The following NCOR2 variants were observed in gnomAD, a reference collection of about 807,000 sequenced individuals.
NCOR2 encodes CTG repeat protein 26.
In NCOR2, 81 loss-of-function variants were observed where a neutral mutation model predicts 262.9. The ratio of observed to expected loss-of-function variants is 0.31; its 90% CI spans 0.26 to 0.37. The LOEUF (loss-of-function observed/expected upper bound fraction) is 0.37, where lower values mean the gene tolerates loss of function less well. Ranked by LOEUF, NCOR2 falls within the 10% of genes least tolerant of loss-of-function variation. The pLI, the probability that NCOR2 is intolerant of heterozygous loss-of-function variation, is 1.00. For missense variants in NCOR2, 3,385 were observed against 3,621.4 expected, an observed-to-expected ratio of 0.93 and a Z score of 1.68; for synonymous variants, 1,659 against 1,559.3, an observed-to-expected ratio of 1.06 and a Z score of -1.51.
At chr12:124,479,559 GCA>G (rs748968222) in intron 3 of NCOR2, among the ~76,000 whole-genome samples, 3 of 151,736 alleles carry the variant, frequency 2.0e-5, no homozygotes, top group Non-Finnish European at 2.9e-5. Flanking sequence ...ACACAAACGC[GCA>G]CACACACGCA....
upstream of NCOR2, among the ~76,000 whole-genome samples, chr12:124,497,350 G>A (rs12318414): frequency 0.012 from 1,766 of 152,256 alleles, 45 homozygotes; most frequent in African/African-American, 0.04. The surrounding 1 kb of genome is among the most constrained non-coding windows in gnomAD (Gnocchi z 4.2). Context: ...AACACGTCCC[G>A]CTCCACCATC....
intron 3 of NCOR2, among the ~76,000 whole-genome samples, chr12:124,477,966 A>T (rs1026771008): frequency 1.3e-5 from 2 of 152,238 alleles, no homozygotes; most frequent in African/African-American, 4.8e-5. Context: ...TCCAGGAAAA[A>T]GCAGGGCCCA....
intron 12 of NCOR2, 151 bp downstream of exon 14, chr12:124,422,350 G>T (rs1004946055): frequency 8.2e-6 from 7 of 848,752 alleles, no homozygotes; most frequent in Admixed American, 4.3e-5. Context: ...ATGGAAGGAA[G>T]GGAGGGAGGG....
At chr12:124,431,719 TAC>T (rs1407651495) in intron 8 of NCOR2, among the ~76,000 whole-genome samples, 2 of 143,962 alleles carry the variant, frequency 1.4e-5, no homozygotes, top group Non-Finnish European at 3.0e-5. Context: ...CACAGTCACA[TAC>T]ACACATGCAG....
At chr12:124,461,732 C>T (rs1313043719) in intron 5 of NCOR2, among the ~76,000 whole-genome samples, 5 of 152,242 alleles carry the variant, frequency 3.3e-5, no homozygotes, top group Admixed American at 1.3e-4. Flanking sequence ...CACAGCCTAA[C>T]GTGTACCCAT....
At chr12:124,556,992 C>A (rs535897041) in intron 1 of NCOR2, among the ~76,000 whole-genome samples, 1 of 152,350 alleles carries the variant, frequency 6.6e-6, no homozygotes, top group African/African-American at 2.4e-5. Flanking sequence ...ACAGCGAGGC[C>A]GGTGTGGCTG....
At chr12:124,477,218 C>T (rs2047149617) in intron 3 of NCOR2, among the ~76,000 whole-genome samples, 2 of 152,214 alleles carry the variant, frequency 1.3e-5, no homozygotes, top group South Asian at 2.1e-4. Flanking sequence ...ATCATGGTGG[C>T]GGTTTCCCCC....
chr12:124,495,456 C>T, upstream of NCOR2: 1 of 1,054,764 alleles, frequency 9.5e-7, no homozygotes, highest in Non-Finnish European at 1.3e-6. This position sits in a 1 kb window ranked among gnomAD's most constrained non-coding sequence, Gnocchi z 4.4. Flanking sequence ...TCCTGTGGTC[C>T]CGTGAGGACA....
chr12:124,424,200 A>G (rs889425305), intron 11 of NCOR2, among the ~76,000 whole-genome samples: 4 of 151,506 alleles, frequency 2.6e-5, no homozygotes, highest in African/African-American at 7.3e-5. Context: ...CTCCCAGAAC[A>G]CCTTTTTTTT....
chr12:124,455,015 C>G (rs1565958448), intron 6 of NCOR2, among the ~76,000 whole-genome samples: 1 of 152,124 alleles, frequency 6.6e-6, no homozygotes, highest in Middle Eastern at 3.2e-3. Flanking sequence ...GGATGAACCT[C>G]GAAAACATGA....
exon 44 of NCOR2, chr12:124,330,883 C>A: frequency 6.3e-7 from 1 of 1,582,852 alleles, no homozygotes; most frequent in African/African-American, 1.3e-5. Flanking sequence ...GATCTCCGTC[C>A]CAGGCTGGCT....
At position 124,483,521 on chromosome 12, in the gene NCOR2, C is replaced by T; in HGVS notation, c.411+75G>A. 1.4e-6 allele frequency: 2 copies of T among 1,423,064 alleles called. No homozygotes were observed. The highest frequency in any genetic ancestry group is 9.3e-7 in the Non-Finnish European group (1 of 1,077,412). 88.2% of individuals were successfully genotyped at this position (1,423,064 alleles called of 1,614,324 possible). On this transcript the variant is annotated intron_variant, in intron 3 of 46. Coordinates refer to ENST00000405201, the Ensembl canonical transcript of NCOR2. The surrounding 1 kb of genome is among the most constrained non-coding windows in gnomAD (Gnocchi z 6.3). Reference sequence around the variant, plus strand: ...TGCCCCCTCCCTGCACCCCTACCCACCACCTCCCACCCAGCCCAACCAGCA... The same window carrying T: ...TGCCCCCTCCCTGCACCCCTACCCATCACCTCCCACCCAGCCCAACCAGCA...
chr12:124,515,731 C>T (rs1266050115), intron 1 of NCOR2, among the ~76,000 whole-genome samples: 4 of 149,162 alleles, frequency 2.7e-5, no homozygotes, highest in Admixed American at 2.7e-4. Flanking sequence ...TGTGTATGTT[C>T]ACAAGTGTGC....
chr12:124,422,484 G>A lies in NCOR2; in HGVS notation c.1383+17C>T. ...GGAGGTGGAGACCGAAGGGGTATGGGGCGGGCAGCGACTCACCTTCCTCTC... is the reference window on the plus strand; with the variant it reads ...GGAGGTGGAGACCGAAGGGGTATGGAGCGGGCAGCGACTCACCTTCCTCTC... On this transcript the variant is annotated intron_variant, in intron 12 of 46. Transcript: ENST00000405201. The A allele has an allele frequency of 6.2e-7, 1 of 1,613,914 alleles. No individual in the cohort carries two copies. Among genetic ancestry groups the A allele is most frequent in the Non-Finnish European group, 8.5e-7 (1 of 1,179,980 alleles).
At chr12:124,352,232 C>T (rs4765143) in intron 27 of NCOR2, among the ~76,000 whole-genome samples, 53,192 of 152,042 alleles carry the variant, frequency 0.35, 9,910 homozygotes, top group East Asian at 0.58. Context: ...AGGCAGCTAA[C>T]ACAAGTGCAC....
At chr12:124,384,984 C>T (rs1025006021) in intron 17 of NCOR2, among the ~76,000 whole-genome samples, 5 of 152,004 alleles carry the variant, frequency 3.3e-5, no homozygotes, top group Non-Finnish European at 5.9e-5. Context: ...CTCAGTTTCC[C>T]CAGCTCCAAA....
At chr12:124,563,443 G>T (rs190069092) in intron 1 of NCOR2, among the ~76,000 whole-genome samples, 1 of 152,198 alleles carries the variant, frequency 6.6e-6, no homozygotes, top group Non-Finnish European at 1.5e-5. Flanking sequence ...AGGTCCCTCC[G>T]CTGTGCAACC....
At position 124,466,363 on chromosome 12, in the gene NCOR2, AG is replaced by A; in HGVS notation, c.592-78del. The A allele has an allele frequency of 5.0e-6, 7 of 1,389,436 alleles. No individual in the cohort carries two copies. The South Asian group carries it at 8.4e-5, about 17-fold the overall frequency. 86.1% of individuals were successfully genotyped at this position (1,389,436 alleles called of 1,614,324 possible). A position where few individuals can be genotyped will look rare whatever the true frequency, so the allele number is the denominator to read the frequency against. The stretch of plus-strand genomic sequence containing the variant: ...GGGCTGCAGCCCCCAGGGCGCGGGG[AG>A]GCCCCCTTGCAGCCCGGGCCACGGC... On this transcript the variant is annotated intron_variant, in intron 4 of 46. Coordinates refer to ENST00000405201, the Ensembl canonical transcript of NCOR2.
chr12:124,342,235 G>GA (rs1456602288), intron 33 of NCOR2, among the ~76,000 whole-genome samples, 161 bp from the exon 36 acceptor site: 1 of 152,196 alleles, frequency 6.6e-6, no homozygotes, highest in East Asian at 1.9e-4. Context: ...CGGACAGCAG[G>GA]AAAACATCAC....
Sources: gnomAD v4.1 joint callset for allele counts (sites outside exome capture counted in the v4.1 genomes callset) on GRCh38, gnomAD v4.1.1 for gene constraint, Gnocchi (gnomAD v3.1) non-coding constraint, MANE v1.5 for transcripts, NCBI Gene and HGNC (gene_info 2026-07-23, HGNC 2026-07-21) for gene names.